Variants in TMEM117 observed in about 807,000 individuals in gnomAD.
TMEM117 encodes transmembrane protein 117.
Under a neutral mutation model 52.4 loss-of-function variants are expected in TMEM117, and 27 were observed. The observed-to-expected ratio is 0.51, with a 90% CI of 0.38 to 0.71. TMEM117 has a LOEUF of 0.71. Among genes scored for constraint, TMEM117 ranks in the 30% least tolerant of loss-of-function variants. The pLI, the probability that TMEM117 is intolerant of heterozygous loss-of-function variation, is 0.00. For missense variants in TMEM117, 556 were observed against 630.5 expected, an observed-to-expected ratio of 0.88 and a Z score of 1.26; for synonymous variants, 215 against 206.3, an observed-to-expected ratio of 1.04 and a Z score of -0.36.
At chr12:43,958,744 G>C (rs1033214803) in intron 3 of TMEM117, among the ~76,000 whole-genome samples, 3 of 152,102 alleles carry the variant, frequency 2.0e-5, no homozygotes, top group African/African-American at 7.2e-5. Context: ...GGAGGTGGCA[G>C]GAGAGAATAT....
chr12:43,845,131 G>T, intron 2 of TMEM117: 1 of 558,806 alleles, frequency 1.8e-6, no homozygotes, highest in Non-Finnish European at 3.0e-6. Flanking sequence ...AGGAAAATTA[G>T]CACGAGGTAA....
intron 2 of TMEM117, among the ~76,000 whole-genome samples, chr12:43,943,358 C>T (rs1945077472): frequency 6.6e-6 from 1 of 151,998 alleles, no homozygotes; most frequent in Non-Finnish European, 1.5e-5. Context: ...CTTTCTTACT[C>T]CCAAGGTTTT....
intron 2 of TMEM117, among the ~76,000 whole-genome samples, chr12:43,936,171 G>A (rs1177849247): frequency 6.6e-6 from 1 of 151,800 alleles, no homozygotes; most frequent in East Asian, 1.9e-4. Flanking sequence ...GATGGAAAAG[G>A]TTGAAGTAAG....
intron 3 of TMEM117, among the ~76,000 whole-genome samples, chr12:44,107,753 T>G (rs1303610771): frequency 6.6e-6 from 1 of 152,184 alleles, no homozygotes; most frequent in Non-Finnish European, 1.5e-5. Context: ...CATTTTAAAA[T>G]GTACAGTTTT....
intron 2 of TMEM117, among the ~76,000 whole-genome samples, chr12:43,918,839 C>G (rs1944647393): frequency 6.6e-6 from 1 of 152,184 alleles, no homozygotes; most frequent in Non-Finnish European, 1.5e-5. Flanking sequence ...CATCACATAC[C>G]AAATCCACTT....
intron 3 of TMEM117, among the ~76,000 whole-genome samples, chr12:44,128,493 A>G (rs1669421356): frequency 6.6e-6 from 1 of 152,200 alleles, no homozygotes; most frequent in South Asian, 2.1e-4. Flanking sequence ...CCTGGCATCC[A>G]GGAGGTGTTC....
At chr12:43,825,333 T>G in the TMEM117 span, among the ~76,000 whole-genome samples, 1 of 152,186 alleles carries the variant, frequency 6.6e-6, no homozygotes, top group Non-Finnish European at 1.5e-5. Context: ...TTAGTTTGGC[T>G]GGGTGGACCC....
At chr12:43,930,308 C>A (rs1316336754) in intron 2 of TMEM117, among the ~76,000 whole-genome samples, 1 of 152,172 alleles carries the variant, frequency 6.6e-6, no homozygotes, top group Non-Finnish European at 1.5e-5. Flanking sequence ...AGCAAATGAT[C>A]TATGGGAAAT....
At chr12:44,046,909 A>G (rs1291343932) in intron 3 of TMEM117, among the ~76,000 whole-genome samples, 4 of 152,110 alleles carry the variant, frequency 2.6e-5, no homozygotes, top group South Asian at 2.1e-4. Context: ...GGATAATTGT[A>G]TTATGTTAGG....
At chr12:44,248,204 G>A (rs1950154612) in intron 5 of TMEM117, among the ~76,000 whole-genome samples, 1 of 152,078 alleles carries the variant, frequency 6.6e-6, no homozygotes, top group African/African-American at 2.4e-5. Context: ...AGAATTTGAT[G>A]CTATTGCCAT....
Position 44,133,375 on chromosome 12 carries a change from G to T in TMEM117, c.411-10150G>T, listed in dbSNP as rs530487826. Among the ~76,000 whole-genome samples the T allele has an allele frequency of 5.3e-5, 8 of 152,310 alleles. No homozygotes were observed. The South Asian group carries it at 1.7e-3, about 32-fold the overall frequency. On this transcript the variant is annotated intron_variant, in intron 3 of 7. Coordinates refer to ENST00000266534, the MANE Select transcript of TMEM117 (RefSeq NM_032256.3). ...GAAAATAGCACTGTAATAGCTAACA[G>T]TACTGGTTCCAACAGCGCAAAGGAA...
chr12:44,345,375 GAC>G (rs1316994511), intron 6 of TMEM117, among the ~76,000 whole-genome samples: 1 of 152,100 alleles, frequency 6.6e-6, no homozygotes, highest in Admixed American at 6.5e-5. Context: ...ATTTCAGTCT[GAC>G]ACAGATTCAA....
chr12:44,199,278 A>T (rs1368116128), intron 4 of TMEM117, among the ~76,000 whole-genome samples: 1 of 152,214 alleles, frequency 6.6e-6, no homozygotes, highest in Non-Finnish European at 1.5e-5. Flanking sequence ...TGCTTTTACA[A>T]ATTAAAAGAA....
intron 3 of TMEM117, among the ~76,000 whole-genome samples, chr12:44,000,319 G>A (rs1400189658): frequency 6.6e-6 from 1 of 152,180 alleles, no homozygotes; most frequent in Non-Finnish European, 1.5e-5. Context: ...TTTGAAAATA[G>A]ATTCCTTTAG....
chr12:43,903,396 C>T (rs1944335815), intron 2 of TMEM117, among the ~76,000 whole-genome samples: 1 of 152,014 alleles, frequency 6.6e-6, no homozygotes, highest in Non-Finnish European at 1.5e-5. Context: ...AAGAAAAATA[C>T]AGATTAAGGG....
chr12:43,825,432 G>A, the TMEM117 span, among the ~76,000 whole-genome samples: 1 of 152,140 alleles, frequency 6.6e-6, no homozygotes, highest in African/African-American at 2.4e-5. Context: ...AGGCACCACA[G>A]GGCCCTATCC....
chr12:44,201,162 CAG>C (rs753718031), intron 4 of TMEM117, among the ~76,000 whole-genome samples: 1 of 151,976 alleles, frequency 6.6e-6, no homozygotes, highest in African/African-American at 2.4e-5. Context: ...CATAAGAATT[CAG>C]AGAGGATGAT....
At chr12:44,305,019 C>G (rs1012077901) in intron 6 of TMEM117, among the ~76,000 whole-genome samples, 1 of 152,174 alleles carries the variant, frequency 6.6e-6, no homozygotes, top group African/African-American at 2.4e-5. Context: ...TCCTGAGGTT[C>G]CTGACTCCAG....
intron 3 of TMEM117, among the ~76,000 whole-genome samples, chr12:44,074,365 C>T (rs187824767): frequency 5.3e-4 from 81 of 152,144 alleles, no homozygotes; most frequent in Non-Finnish European, 4.9e-4. Context: ...TTTATTAAAT[C>T]CCTTCTCATT....
Sources: gnomAD v4.1 joint callset for allele counts (sites outside exome capture counted in the v4.1 genomes callset) on GRCh38, gnomAD v4.1.1 for gene constraint, MANE v1.5 for transcripts, NCBI Gene and HGNC (gene_info 2026-07-23, HGNC 2026-07-21) for gene names.